EYS: variants seen among roughly 807,000 people sequenced by gnomAD.
EYS encodes protein eyes shut homolog.
In EYS, 250 loss-of-function variants were observed where a neutral mutation model predicts 282.1. That is an observed-to-expected ratio of 0.89 (90% CI 0.80 to 0.98). EYS has a LOEUF of 0.98. Among genes scored for constraint, EYS ranks in the 50% least tolerant of loss-of-function variants. EYS has a pLI of 0.00. For missense variants in EYS, 4,016 were observed against 3,709.0 expected, an observed-to-expected ratio of 1.08 and a Z score of -2.15; for synonymous variants, 1,355 against 1,282.9, an observed-to-expected ratio of 1.06 and a Z score of -1.20.
chr6:64,485,108 A>T (rs1011746577), intron 26 of EYS, among the ~76,000 whole-genome samples: 1 of 151,662 alleles, frequency 6.6e-6, no homozygotes, highest in African/African-American at 2.4e-5. Context: ...AAGGAAAGAA[A>T]GGGTTGAGAC....
intron 2 of EYS, among the ~76,000 whole-genome samples, chr6:65,527,060 T>C (rs944872977): frequency 6.6e-6 from 1 of 152,138 alleles, no homozygotes; most frequent in African/African-American, 2.4e-5. Flanking sequence ...CTTAAAAATT[T>C]CCATGTCTGT....
rs774464019 is a variant in EYS at position 65,344,158 on chromosome 6, G to A, written c.1479C>T (p.Cys493=). The A allele has an allele frequency of 2.4e-5, 38 of 1,609,148 alleles. No individual in the cohort carries two copies. The highest frequency in any genetic ancestry group is 3.2e-5 in the Non-Finnish European group (38 of 1,177,056). ...LGFAGSEGEK[C]QGVIDAYFFL... ...AGAAATAGGCATCAATAACCCCTTG[G>A]CACTTTTCGCCTTCAGATCCTTTAA... Residue 493 remains cysteine, a synonymous_variant, in exon 10 of 43, where the codon TGC becomes TGT. Coordinates refer to ENST00000503581, the MANE Select transcript of EYS (RefSeq NM_001142800.2).
chr6:65,191,521 A>G (rs1765640991), intron 12 of EYS, among the ~76,000 whole-genome samples: 1 of 151,826 alleles, frequency 6.6e-6, no homozygotes, highest in Admixed American at 6.6e-5. Flanking sequence ...AATAGGAACA[A>G]ATTATGTTCT....
At chr6:64,705,911 A>T (rs888542480) in intron 22 of EYS, among the ~76,000 whole-genome samples, 32 of 150,950 alleles carry the variant, frequency 2.1e-4, no homozygotes, top group African/African-American at 7.6e-4. Flanking sequence ...GGTGCAGCGC[A>T]CCAGCATGGC....
intron 12 of EYS, among the ~76,000 whole-genome samples, chr6:65,166,595 A>G (rs1183962460): frequency 6.6e-6 from 1 of 151,246 alleles, no homozygotes; most frequent in Admixed American, 6.6e-5. Context: ...AGTTAAATAT[A>G]AGAGCTAAAC....
chr6:64,239,072 G>A (rs1425914334), intron 30 of EYS, among the ~76,000 whole-genome samples: 1 of 152,184 alleles, frequency 6.6e-6, no homozygotes. Flanking sequence ...TCCCTGCAAA[G>A]GACGTGAACT....
chr6:64,313,339 A>G (rs1409491446), intron 29 of EYS, among the ~76,000 whole-genome samples: 1 of 94,050 alleles, frequency 1.1e-5, no homozygotes, highest in Non-Finnish European at 2.6e-5. Flanking sequence ...GAGAAAAAAG[A>G]GTGAAAAGAA....
intron 12 of EYS, among the ~76,000 whole-genome samples, chr6:65,169,516 G>A (rs1049446805): frequency 6.6e-6 from 1 of 151,116 alleles, no homozygotes; most frequent in Admixed American, 6.6e-5. Context: ...TAATTTCCTT[G>A]GATATTCCAT....
intron 22 of EYS, among the ~76,000 whole-genome samples, chr6:64,772,802 T>C (rs1341911642): frequency 1.3e-5 from 2 of 151,780 alleles, no homozygotes; most frequent in Admixed American, 6.6e-5. Flanking sequence ...CTTAACATTA[T>C]GTCTTTTAGT....
chr6:65,352,461 A>G (rs1192307492), intron 9 of EYS, among the ~76,000 whole-genome samples: 2 of 151,966 alleles, frequency 1.3e-5, no homozygotes, highest in African/African-American at 4.8e-5. Flanking sequence ...ATGTAATCAA[A>G]GAATGAAAAT....
chr6:64,691,000 TAAA>T (rs1770361010), intron 22 of EYS, among the ~76,000 whole-genome samples: 1 of 151,632 alleles, frequency 6.6e-6, no homozygotes, highest in South Asian at 2.1e-4. Context: ...ATAAAAATAA[TAAA>T]AAGTAAAAGT....
intron 36 of EYS, among the ~76,000 whole-genome samples, chr6:63,822,817 T>A (rs1008715483): frequency 2.6e-5 from 4 of 152,190 alleles, no homozygotes; most frequent in Non-Finnish European, 5.9e-5. Context: ...CCTTGTCAAG[T>A]TCTGATTTTA....
intron 13 of EYS, among the ~76,000 whole-genome samples, chr6:65,010,012 T>C (rs1771815447): frequency 6.6e-6 from 1 of 152,150 alleles, no homozygotes; most frequent in African/African-American, 2.4e-5. Flanking sequence ...CCAATACCCA[T>C]TTAGTAAGAT....
At chr6:64,787,892 A>G (rs1213471052) in intron 22 of EYS, among the ~76,000 whole-genome samples, 1 of 151,828 alleles carries the variant, frequency 6.6e-6, no homozygotes, top group Non-Finnish European at 1.5e-5. Flanking sequence ...TTCTCAGTTT[A>G]GAGAAGCTCT....
At chr6:63,752,310 G>C (rs997805545) in intron 41 of EYS, among the ~76,000 whole-genome samples, 1 of 151,774 alleles carries the variant, frequency 6.6e-6, no homozygotes, top group Non-Finnish European at 1.5e-5. Flanking sequence ...CTAGTAACAT[G>C]CCAGATCATT....
At chr6:65,613,033 C>T (rs1378505370) in intron 2 of EYS, among the ~76,000 whole-genome samples, 1 of 151,476 alleles carries the variant, frequency 6.6e-6, no homozygotes, top group African/African-American at 2.4e-5. Flanking sequence ...TTTTTCTAAC[C>T]ACCCCAGAAG....
At chr6:64,613,991 G>A (rs1296842542) in intron 24 of EYS, among the ~76,000 whole-genome samples, 1 of 149,938 alleles carries the variant, frequency 6.7e-6, no homozygotes, top group African/African-American at 2.5e-5. Flanking sequence ...TCTCACCTAA[G>A]GGAATGGGGT....
At chr6:63,916,458 T>C (rs1331665497) in intron 35 of EYS, among the ~76,000 whole-genome samples, 3 of 152,232 alleles carry the variant, frequency 2.0e-5, no homozygotes, top group Non-Finnish European at 4.4e-5. Context: ...TTTGTTTCCC[T>C]AATGCTAATG....
At chr6:64,440,619 C>T (rs555983285) in intron 26 of EYS, among the ~76,000 whole-genome samples, 18 of 151,882 alleles carry the variant, frequency 1.2e-4, no homozygotes, top group East Asian at 1.9e-4. Context: ...CCCCATGTAG[C>T]GTTTCAATGG....
Sources: gnomAD v4.1 joint callset for allele counts (sites outside exome capture counted in the v4.1 genomes callset) on GRCh38, gnomAD v4.1.1 for gene constraint, MANE v1.5 for transcripts, NCBI Gene and HGNC (gene_info 2026-07-23, HGNC 2026-07-21) for gene names.